Variants in INTU observed in about 807,000 individuals in gnomAD.
INTU encodes the protein protein inturned.
INTU carries 68 observed loss-of-function variants against 100.5 expected under a neutral mutation model. That is an observed-to-expected ratio of 0.68 (90% CI 0.56 to 0.83). The LOEUF is 0.83. INTU is among the 40% of genes least tolerant of loss of function. INTU has a pLI of 0.00. For synonymous variants in INTU, 357 were observed against 395.7 expected (o/e 0.90, Z 1.16); for missense variants, 1,071 against 1,114.7 (o/e 0.96, Z 0.56).
In INTU at chr4:127,711,014, G is replaced by C; in HGVS notation, c.2471G>C (p.Ser824Thr). 1 of 1,609,800 alleles carries C rather than the reference G, an allele frequency of 6.2e-7. No individual in the cohort carries two copies. The highest frequency in any genetic ancestry group is 1.1e-5 in the South Asian group (1 of 90,258). The change falls in exon 14 of 16, where the codon AGT becomes ACT. Residue 824 changes from serine to threonine, a missense_variant. Physicochemically the swap from Ser to Thr is moderately conservative, Grantham distance 58. Coordinates refer to ENST00000335251, the MANE Select transcript of INTU (RefSeq NM_015693.4). ...ACCCTTGAAGAGGTGGCACAGCTAA[G>C]TGGCTCTATCCACCCTCAGCTAATA... ...TPTLEEVAQL[S>T]GSIHPQLIKN... is the part of the protein sequence containing the mutation.
At chr4:127,681,738 A>G (rs1178226613) in intron 6 of INTU, among the ~76,000 whole-genome samples, 1 of 152,288 alleles carries the variant, frequency 6.6e-6, no homozygotes, top group East Asian at 1.9e-4. Flanking sequence ...GCAACAAAAG[A>G]CAAAATTGAC....
chr4:127,655,768 G>A (rs1290874738), intron 2 of INTU, among the ~76,000 whole-genome samples: 2 of 152,246 alleles, frequency 1.3e-5, no homozygotes, highest in Non-Finnish European at 2.9e-5. Flanking sequence ...GAGCTTCCTG[G>A]CTGCTATGTT....
chr4:127,710,848 G>T, intron 13 of INTU, 65 bp from the exon 14 acceptor site: 3 of 985,468 alleles, frequency 3.0e-6, no homozygotes, highest in South Asian at 5.8e-5. Context: ...AATTCAAAAT[G>T]AACCAATATT....
Position 127,716,374 on chromosome 4 carries a change from G to T in INTU, c.2767G>T (p.Asp923Tyr). ...TCAAGAACTTTATGTCTGTTTTCATGACTCAGTCACAGAAATTGCCATTGA... is the reference window on the plus strand; with the variant it reads ...TCAAGAACTTTATGTCTGTTTTCATTACTCAGTCACAGAAATTGCCATTGA... ...KPQELYVCFH[D>Y]SVTEIAIEIA... Residue 923 changes from aspartate to tyrosine, a missense_variant, in exon 16 of 16, where the codon GAC (aspartate) becomes TAC (tyrosine). Transcript: ENST00000335251. The T allele has an allele frequency of 6.3e-7, 1 of 1,590,588 alleles. No individual in the cohort carries two copies. The highest frequency in any genetic ancestry group is 1.2e-5 in the South Asian group (1 of 86,932).
intron 8 of INTU, among the ~76,000 whole-genome samples, chr4:127,690,565 G>A (rs1311027437): frequency 1.3e-5 from 2 of 152,166 alleles, no homozygotes; most frequent in Non-Finnish European, 2.9e-5. Context: ...AGTCCAGTTA[G>A]GAGATTAAGA....
At chr4:127,704,917 A>T (rs1730813060) in intron 10 of INTU, among the ~76,000 whole-genome samples, 1 of 151,868 alleles carries the variant, frequency 6.6e-6, no homozygotes, top group Non-Finnish European at 1.5e-5. Context: ...GTGAAACCCC[A>T]TCTCTACTAA....
At chr4:127,700,868 A>T (rs947559327) in intron 9 of INTU, among the ~76,000 whole-genome samples, 10 of 152,122 alleles carry the variant, frequency 6.6e-5, no homozygotes, top group African/African-American at 2.4e-4. Flanking sequence ...AAAATCAGAC[A>T]TTTATCCTGC....
In INTU at chr4:127,725,287, A is replaced by C. The variant is rs1197579568; in HGVS notation, c.*8851A>C. 6.6e-6 allele frequency: 1 copy of C among 152,202 alleles called. No homozygotes were observed. Among genetic ancestry groups the C allele is most frequent in the East Asian group, 1.9e-4 (1 of 5,186 alleles). The allele number at this position is 152,202 out of a possible 1,614,324, so 9.4% of individuals were successfully genotyped here. On this transcript the variant is annotated 3_prime_UTR_variant, in exon 16 of 16. Transcript: ENST00000335251. ...GTGCCACTGCCACTCCAGCCTGGGC[A>C]ACAGAACGAGGCTCTGTTTAAAAAA...
intron 1 of INTU, among the ~76,000 whole-genome samples, chr4:127,640,581 A>G (rs1302856787): frequency 8.2e-5 from 4 of 48,958 alleles, no homozygotes; most frequent in Non-Finnish European, 1.6e-4. Flanking sequence ...ATATATATAT[A>G]TATATATATA....
Position 127,705,604 on chromosome 4 carries a change from G to A in INTU, c.1580G>A (p.Cys527Tyr). The change falls in exon 11 of 16, where the codon TGC becomes TAC. Residue 527 changes from cysteine to tyrosine, a missense_variant. Physicochemically the swap from Cys to Tyr is radical, Grantham distance 194 (BLOSUM62 -2). Transcript: ENST00000335251. The stretch of plus-strand genomic sequence containing the variant: ...GTTAAATTCAAGGGTTATTTGATAT[G>A]CAGTCATTTGCCCAAGGATGATCTT... Reference protein sequence around the residue: ...SSLFYKGYLICSHLPKDDLID... With the variant: ...SSLFYKGYLIYSHLPKDDLID... The A allele has an allele frequency of 6.2e-7, 1 of 1,613,390 alleles. No individual in the cohort carries two copies.
At chr4:127,667,152 G>A (rs937421154) in intron 4 of INTU, among the ~76,000 whole-genome samples, 3 of 152,106 alleles carry the variant, frequency 2.0e-5, no homozygotes, top group Admixed American at 6.6e-5. Context: ...AGTCGTTTTG[G>A]AGTAAGATAC....
chr4:127,659,000 G>A (rs1728357228), intron 3 of INTU, among the ~76,000 whole-genome samples: 1 of 152,078 alleles, frequency 6.6e-6, no homozygotes, highest in Non-Finnish European at 1.5e-5. Flanking sequence ...ATCATAAGGA[G>A]TGCACAACCT....
chr4:127,704,109 G>A, intron 9 of INTU, 119 bp from the exon 10 acceptor site: 2 of 714,164 alleles, frequency 2.8e-6, no homozygotes, highest in East Asian at 2.7e-5. Flanking sequence ...TCTAAAGATG[G>A]CACTATGAAA....
chr4:127,638,114 G>A lies in INTU; in HGVS notation c.146+4934G>A, dbSNP rs766180182. On this transcript the variant is annotated intron_variant, in intron 1 of 15. Coordinates refer to ENST00000335251, the MANE Select transcript of INTU (RefSeq NM_015693.4). ...CAAGAGTGAAAATCAGATATTGTTG[G>A]TAGACAGAACACAGAAAAGAAAACA... 2.6e-3 allele frequency among the ~76,000 whole-genome samples: 403 copies of A among 152,244 alleles called. 3 individuals carry two copies. The highest frequency in any genetic ancestry group is 3.1e-4 in the Non-Finnish European group (21 of 68,016).
At position 127,700,107 on chromosome 4, in the gene INTU, AT is replaced by A. The variant is rs776835613; in HGVS notation, c.1503+48del. 1.3e-5 allele frequency: 19 copies of A among 1,408,002 alleles called. No homozygotes were observed. The African/African-American group carries it at 2.6e-4, about 19-fold the overall frequency. The allele number at this position is 1,408,002 out of a possible 1,614,324, so 87.2% of individuals were successfully genotyped here. On this transcript the variant is annotated intron_variant, in intron 9 of 15. Transcript: ENST00000335251. The stretch of plus-strand genomic sequence containing the variant: ...TTTATAAAAGGCTCAATGTTGAATT[AT>A]TTTGTATAACAGTCATTATTCTAAA...
intron 12 of INTU, 92 bp downstream of exon 12, chr4:127,707,061 C>A: frequency 7.3e-7 from 1 of 1,368,988 alleles, no homozygotes; most frequent in Non-Finnish European, 9.9e-7. Context: ...TAGTGGCATA[C>A]CATTCTTCAT....
At chr4:127,689,314 G>A (rs1175383945) in intron 8 of INTU, among the ~76,000 whole-genome samples, 1 of 151,922 alleles carries the variant, frequency 6.6e-6, no homozygotes, top group Non-Finnish European at 1.5e-5. Flanking sequence ...AAAAAACTAA[G>A]AAGTATGAGA....
chr4:127,713,876 A>G (rs529841341), intron 14 of INTU, 60 bp from the exon 15 acceptor site: 2 of 1,247,506 alleles, frequency 1.6e-6, no homozygotes, highest in South Asian at 3.2e-5. Context: ...ACTCTGTGAA[A>G]ACATTTTAAA....
intron 13 of INTU, among the ~76,000 whole-genome samples, chr4:127,710,410 A>G (rs1731051606): frequency 6.6e-6 from 1 of 152,258 alleles, no homozygotes; most frequent in South Asian, 2.1e-4. Context: ...CCCATTCTGC[A>G]TTCCAGTAGT....
Sources: allele counts gnomAD v4.1 joint callset (sites outside exome capture counted in the v4.1 genomes callset), GRCh38; gene constraint gnomAD v4.1.1; transcripts MANE v1.5; gene names NCBI Gene and HGNC (gene_info 2026-07-23, HGNC 2026-07-21).